TYK2: variants seen among roughly 807,000 people sequenced by gnomAD.
TYK2 encodes the protein tyrosine kinase 2.
In TYK2, 65 loss-of-function variants were observed where a neutral mutation model predicts 130.9. That is an observed-to-expected ratio of 0.50 (90% CI 0.41 to 0.61). The LOEUF is 0.61. Among genes scored for constraint, TYK2 ranks in the 20% least tolerant of loss-of-function variants. The probability of loss-of-function intolerance (pLI) is 0.00; values close to 1 mark genes in which losing one functional copy is unlikely to be tolerated. For missense variants in TYK2, 1,378 were observed against 1,610.7 expected (o/e 0.86, Z 2.47); for synonymous variants, 647 against 658.9 (o/e 0.98, Z 0.28).
chr19:10,352,556 G>A lies in TYK2; in HGVS notation c.3201-5C>T. 6.8e-7 allele frequency: 1 copy of A among 1,478,940 alleles called. No individual in the cohort carries two copies. Among genetic ancestry groups the A allele is most frequent in the African/African-American group, 1.4e-5 (1 of 71,772 alleles). The allele number at this position is 1,478,940 out of a possible 1,614,324, so 91.6% of individuals were successfully genotyped here. ...TTCAGGCACTCTGGGGCATACCTAGGGGGAGGGGGGCACTCAGGCCACGGG... is the reference window on the plus strand; with the variant it reads ...TTCAGGCACTCTGGGGCATACCTAGAGGGAGGGGGGCACTCAGGCCACGGG... On this transcript the variant is annotated splice_region_variant and splice_polypyrimidine_tract_variant and intron_variant, in intron 22 of 24. Coordinates refer to ENST00000525621, the MANE Select transcript of TYK2 (RefSeq NM_003331.5).
chr19:10,358,812 C>A (rs2041242057), intron 15 of TYK2, among the ~76,000 whole-genome samples: 1 of 152,052 alleles, frequency 6.6e-6, no homozygotes, highest in African/African-American at 2.4e-5. Flanking sequence ...CGCCTGGAAT[C>A]CCAGCACTTT....
chr19:10,378,371 A>T lies in TYK2; in HGVS notation c.36T>A (p.Ser12Arg). 1 of 1,612,118 alleles carries T rather than the reference A, an allele frequency of 6.2e-7. No individual in the cohort carries two copies. The highest frequency in any genetic ancestry group is 8.5e-7 in the Non-Finnish European group (1 of 1,179,880). Residue 12 changes from serine (S) to arginine (R), a missense_variant, in exon 3 of 25, where the codon AGT becomes AGA. Coordinates refer to ENST00000525621, the MANE Select transcript of TYK2 (RefSeq NM_003331.5). ...PLRHWGMARG[S>R]KPVGDGAQPM... The stretch of plus-strand genomic sequence containing the variant: ...GCTGGGCTCCATCCCCAACGGGCTT[A>T]CTGCCCCTGGCCATCCCCCAGTGGC...
chr19:10,356,455 T>C, intron 18 of TYK2, 113 bp downstream of exon 18: 1 of 1,369,216 alleles, frequency 7.3e-7, no homozygotes, highest in Non-Finnish European at 1.0e-6. Flanking sequence ...CTGCAAGAAA[T>C]TGGCACACAC....
Position 10,352,537 on chromosome 19 carries a change from C to G in TYK2, c.3215G>C (p.Cys1072Ser). 6.4e-7 allele frequency: 1 copy of G among 1,555,666 alleles called. No homozygotes were observed. The highest frequency in any genetic ancestry group is 8.7e-7 in the Non-Finnish European group (1 of 1,146,582). Residue 1072 changes from cysteine (C) to serine (S), a missense_variant, in exon 23 of 25, where the codon TGC (cysteine) becomes TCC (serine). Transcript: ENST00000525621. ...ATAGTAGAACTTATACTCCTTCAGG[C>G]ACTCTGGGGCATACCTAGGGGGAGG... ...DSPVFWYAPE[C>S]LKEYKFYYAS...
chr19:10,356,766 A>G, intron 17 of TYK2, 48 bp from the exon 18 acceptor site: 4 of 1,537,618 alleles, frequency 2.6e-6, no homozygotes, highest in Non-Finnish European at 3.5e-6. Flanking sequence ...CCTCGCCCCC[A>G]ACCCGTTCCC....
Position 10,350,873 on chromosome 19 carries a change from C to T in TYK2, c.3525G>A (p.Lys1175=), listed in dbSNP as rs377283866. ...LIPILKTVHE[K]YQGQAPSVFS... is the part of the protein sequence containing the mutation. Reference sequence around the variant, plus strand: ...ACACTGAAGGGGCCTGGCCTTGGTACTTCTCATGGACTGTCTTCAGAATGG... The same window carrying T: ...ACACTGAAGGGGCCTGGCCTTGGTATTTCTCATGGACTGTCTTCAGAATGG... The change falls in exon 25 of 25, where the codon AAG becomes AAA. Residue 1175 remains lysine, a synonymous_variant. Coordinates refer to ENST00000525621, the MANE Select transcript of TYK2 (RefSeq NM_003331.5). 3.7e-6 allele frequency: 6 copies of T among 1,614,006 alleles called. No homozygotes were observed. The highest frequency in any genetic ancestry group is 3.3e-4 in the Middle Eastern group (2 of 6,024).
At position 10,353,228 on chromosome 19, in the gene TYK2, G is replaced by A; in HGVS notation, c.3028-130C>T. The A allele has an allele frequency of 1.3e-6, 1 of 761,018 alleles. No individual in the cohort carries two copies. Among genetic ancestry groups the A allele is most frequent in the Non-Finnish European group, 2.0e-6 (1 of 509,978 alleles). The allele number at this position is 761,018 out of a possible 1,614,324, so 47.1% of individuals were successfully genotyped here. A position where few individuals can be genotyped will look rare whatever the true frequency, so the allele number is the denominator to read the frequency against. On this transcript the variant is annotated intron_variant, in intron 21 of 24. Coordinates refer to ENST00000525621, the MANE Select transcript of TYK2 (RefSeq NM_003331.5). This position sits in a 1 kb window ranked among gnomAD's most constrained non-coding sequence, Gnocchi z 6.9. ...CGGTGGCTACCCGGCCGCTGGAGAG[G>A]GCCGGATGGCACGTGGCACCAAGCA... is the stretch of plus-strand genomic sequence containing the variant.
chr19:10,365,373 A>G, intron 7 of TYK2, 144 bp downstream of exon 7: 1 of 1,283,878 alleles, frequency 7.8e-7, no homozygotes, highest in Non-Finnish European at 1.1e-6. Flanking sequence ...TCTCCAAGAA[A>G]CTGGCCCTAG....
At position 10,368,043 on chromosome 19, in the gene TYK2, C is replaced by T; in HGVS notation, c.465+12G>A. On this transcript the variant is annotated intron_variant, in intron 5 of 24. Coordinates refer to ENST00000525621, the MANE Select transcript of TYK2 (RefSeq NM_003331.5). ...CCCACAAATAGTCTTGCCACCCCAGCCCTGCTCATACCTGCTCAAAGAGGT... is the reference window on the plus strand; with the variant it reads ...CCCACAAATAGTCTTGCCACCCCAGTCCTGCTCATACCTGCTCAAAGAGGT... The T allele has an allele frequency of 6.2e-7, 1 of 1,614,086 alleles. No individual in the cohort carries two copies. Among genetic ancestry groups the T allele is most frequent in the Non-Finnish European group, 8.5e-7 (1 of 1,180,020 alleles).
At chr19:10,377,555 G>GAT (rs2042182320) in intron 3 of TYK2, among the ~76,000 whole-genome samples, 3 of 125,238 alleles carry the variant, frequency 2.4e-5, no homozygotes, top group African/African-American at 9.0e-5. Context: ...TGGGTGGGTG[G>GAT]GTGGATGGAT....
chr19:10,372,450 A>C (rs2041945368), intron 3 of TYK2, among the ~76,000 whole-genome samples: 1 of 123,528 alleles, frequency 8.1e-6, no homozygotes, highest in Admixed American at 8.4e-5. Context: ...ACACGCCACC[A>C]CACACAGCTA....
rs754351041 is a variant in TYK2, at chr19:10,354,107, A to G, written c.2843T>C (p.Ile948Thr). 1.7e-5 allele frequency: 28 copies of G among 1,613,930 alleles called. No individual in the cohort carries two copies. The highest frequency in any genetic ancestry group is 2.4e-5 in the Non-Finnish European group (28 of 1,180,016). ...PQHRSGWKQE[I>T]DILRTLYHEH... The stretch of plus-strand genomic sequence containing the variant: ...GTGGTAGAGCGTGCGCAGAATGTCA[A>G]TCTCCTGCTTCCAGCCCGAGCGGTG... The change falls in exon 20 of 25, where the codon ATT becomes ACT. Residue 948 changes from isoleucine (I) to threonine (T), a missense_variant. Coordinates refer to ENST00000525621, the MANE Select transcript of TYK2 (RefSeq NM_003331.5).
At chr19:10,376,894 G>A (rs1474130468) in intron 3 of TYK2, among the ~76,000 whole-genome samples, 8 of 151,446 alleles carry the variant, frequency 5.3e-5, no homozygotes, top group Non-Finnish European at 1.2e-4. Flanking sequence ...GAGCCACCGC[G>A]CCCGGCCTGA....
At chr19:10,368,566 G>A (rs1222292917) in intron 3 of TYK2, 148 bp from the exon 4 acceptor site, 4 of 1,162,858 alleles carry the variant, frequency 3.4e-6, no homozygotes, top group Admixed American at 2.0e-5. Flanking sequence ...CCTGGGCAGA[G>A]GACAGTGCGT....
chr19:10,357,646 CAG>C lies in TYK2; in HGVS notation c.2466+116_2466+117del, dbSNP rs1334034391. On this transcript the variant is annotated intron_variant, in intron 17 of 24. Transcript: ENST00000525621. ...GCGAGTGGCCCACCTGCTGGTAGCC[CAG>C]AGAGACTTGAAGTCACGAGGCCAGA... The C allele has an allele frequency of 2.8e-6, 4 of 1,422,046 alleles. No homozygotes were observed. The African/African-American group carries it at 4.2e-5, about 15-fold the overall frequency. The allele number at this position is 1,422,046 out of a possible 1,614,324, so 88.1% of individuals were successfully genotyped here.
In TYK2 at chr19:10,352,560, A is replaced by AGG. The variant is rs781352820; in HGVS notation, c.3201-11_3201-10dup. On this transcript the variant is annotated splice_polypyrimidine_tract_variant and intron_variant, in intron 22 of 24. Transcript: ENST00000525621. ...GGCACTCTGGGGCATACCTAGGGGG[A>AGG]GGGGGGCACTCAGGCCACGGGGGGC... 11 of 1,329,648 alleles carry AGG rather than the reference A, an allele frequency of 8.3e-6. No homozygotes were observed. Among genetic ancestry groups the AGG allele is most frequent in the Non-Finnish European group, 1.1e-5 (11 of 975,798 alleles). 82.4% of individuals were successfully genotyped at this position (1,329,648 alleles called of 1,614,324 possible).
intron 3 of TYK2, among the ~76,000 whole-genome samples, chr19:10,372,476 A>AT (rs1568343170): frequency 1.6e-5 from 1 of 63,712 alleles, no homozygotes; most frequent in African/African-American, 1.1e-4. Flanking sequence ...ATATATATAT[A>AT]TATATATATT....
Position 10,353,004 on chromosome 19 carries a change from TC to T in TYK2, c.3121del (p.Asp1041ThrfsTer4). On this transcript the variant is annotated frameshift_variant, in exon 22 of 25. Coordinates refer to ENST00000525621, the MANE Select transcript of TYK2 (RefSeq NM_003331.5). LOFTEE classifies it high-confidence loss of function. This position sits in a 1 kb window ranked among gnomAD's most constrained non-coding sequence, Gnocchi z 6.9. ...LDNDRLVKIGDFGLAKAVPEG... is the reference protein window; with the variant it reads ...LDNDRLVKIGXFGLAKAVPEG... Reference sequence around the variant, plus strand: ...GGGCACGGCCTTGGCTAGGCCAAAGTCCCCGATCTTGACCAGCCTGTCGTTG... The same window carrying T: ...GGGCACGGCCTTGGCTAGGCCAAAGTCCCGATCTTGACCAGCCTGTCGTTG... 6.2e-7 allele frequency: 1 copy of T among 1,604,530 alleles called. No individual in the cohort carries two copies. The highest frequency in any genetic ancestry group is 8.5e-7 in the Non-Finnish European group (1 of 1,175,272).
rs1335649847 is a variant in TYK2, at chr19:10,378,304, C to T, written c.103G>A (p.Ala35Thr). The change falls in exon 3 of 25, where the codon GCT (alanine) becomes ACT (threonine). Residue 35 changes from alanine to threonine, a missense_variant. Ala to Thr is a moderately conservative substitution (Grantham distance 58). Transcript: ENST00000525621. ...CAGGGCTCCCCGCCGCCTGGACCAG[C>T]CCAGTGCAGAAGCACCTTCAGGCCT... is the stretch of plus-strand genomic sequence containing the variant. ...MGGLKVLLHW[A>T]GPGGGEPWVT... is the part of the protein sequence containing the mutation. 2 of 1,612,876 alleles carry T rather than the reference C, an allele frequency of 1.2e-6. No homozygotes were observed. The highest frequency in any genetic ancestry group is 1.7e-6 in the Non-Finnish European group (2 of 1,179,976).
Sources: gnomAD v4.1 joint callset for allele counts (sites outside exome capture counted in the v4.1 genomes callset) on GRCh38, gnomAD v4.1.1 for gene constraint, Gnocchi (gnomAD v3.1) non-coding constraint, MANE v1.5 for transcripts, NCBI Gene and HGNC (gene_info 2026-07-23, HGNC 2026-07-21) for gene names.